ANK2: variants seen among roughly 807,000 people sequenced by gnomAD.
ANK2 encodes the protein ankyrin 2, also known as ankyrin-2.
Under a neutral mutation model 360.5 loss-of-function variants are expected in ANK2, and 83 were observed. The ratio of observed to expected loss-of-function variants is 0.23; its 90% CI spans 0.19 to 0.28. The LOEUF is 0.28. ANK2 is among the 10% of genes least tolerant of loss of function. ANK2 has a pLI of 1.00. For synonymous variants in ANK2, 1,740 were observed against 1,759.5 expected, an observed-to-expected ratio of 0.99 and a Z score of 0.28; for missense variants, 4,201 against 4,795.7, an observed-to-expected ratio of 0.88 and a Z score of 3.66.
At chr4:113,117,385 A>C (rs1204398995) in intron 1 of ANK2, 1 of 456,216 alleles carries the variant, frequency 2.2e-6, no homozygotes, top group Non-Finnish European at 4.4e-6. Context: ...AACAACGGAA[A>C]ATCCCCAGAG....
chr4:113,373,540 C>A, intron 45 of ANK2, 91 bp downstream of exon 45: 1 of 1,362,768 alleles, frequency 7.3e-7, no homozygotes, highest in Non-Finnish European at 1.1e-6. Flanking sequence ...TTCATATTTT[C>A]CTCACTTCTC....
At chr4:113,155,658 T>C (rs2097259671) in intron 1 of ANK2, among the ~76,000 whole-genome samples, 1 of 152,132 alleles carries the variant, frequency 6.6e-6, no homozygotes, top group Admixed American at 6.5e-5. Flanking sequence ...TTGGAAAGCA[T>C]AAAAGCAATG....
chr4:112,765,764 C>T, the ANK2 span, among the ~76,000 whole-genome samples: 2 of 151,768 alleles, frequency 1.3e-5, no homozygotes, highest in African/African-American at 4.8e-5. Flanking sequence ...TGTCTTTCCC[C>T]CAACTTCACT....
At chr4:113,136,446 AGC>A (rs1271467438) in intron 1 of ANK2, among the ~76,000 whole-genome samples, 3 of 152,200 alleles carry the variant, frequency 2.0e-5, no homozygotes, top group Non-Finnish European at 4.4e-5. Flanking sequence ...CTGTAATCCC[AGC>A]ACTTGGGAGG....
chr4:113,174,540 T>G, intron 2 of ANK2, 23 bp downstream of exon 2: 17 of 1,528,412 alleles, frequency 1.1e-5, no homozygotes, highest in Non-Finnish European at 1.4e-5. Context: ...CAGCTAGCTC[T>G]GTGTTGTGCA....
intron 1 of ANK2, among the ~76,000 whole-genome samples, chr4:112,855,737 G>A (rs2066232108): frequency 6.6e-6 from 1 of 152,172 alleles, no homozygotes; most frequent in African/African-American, 2.4e-5. Context: ...CATCTGGAGA[G>A]TGACAGAGCC....
At chr4:113,102,786 C>T (rs555860634) in intron 1 of ANK2, among the ~76,000 whole-genome samples, 3 of 152,238 alleles carry the variant, frequency 2.0e-5, no homozygotes, top group Admixed American at 1.3e-4. Flanking sequence ...ATCTTAATCA[C>T]ATACCTAGAC....
chr4:112,904,088 A>C (rs2150914850), intron 1 of ANK2, among the ~76,000 whole-genome samples: 1 of 152,362 alleles, frequency 6.6e-6, no homozygotes, highest in East Asian at 1.9e-4. Flanking sequence ...TTTGGTCAGC[A>C]ATTTCAGCCA....
At chr4:113,027,246 C>G (rs2059466247) in intron 2 of ANK2, among the ~76,000 whole-genome samples, 1 of 151,982 alleles carries the variant, frequency 6.6e-6, no homozygotes, top group Non-Finnish European at 1.5e-5. Flanking sequence ...AAAGTTATGA[C>G]TCATTATTTG....
In ANK2 at chr4:113,335,938, A is replaced by G; in HGVS notation, c.3472A>G (p.Lys1158Glu). 6.2e-7 allele frequency: 1 copy of G among 1,614,138 alleles called. No individual in the cohort carries two copies. Among genetic ancestry groups the G allele is most frequent in the Non-Finnish European group, 8.5e-7 (1 of 1,180,034 alleles). Residue 1158 changes from lysine (K) to glutamate (E), a missense_variant, in exon 30 of 46, where the codon AAA becomes GAA. Physicochemically the swap from Lys to Glu is moderately conservative, Grantham distance 56 (BLOSUM62 1). This residue lies in a region of ANK2 where 1,268 missense variants were observed against 1,650.8 expected (regional missense o/e 0.77). Coordinates refer to ENST00000357077, the MANE Select transcript of ANK2 (RefSeq NM_001148.6). ...GTACTTTGCAGTGGTGTCTCGTATC[A>G]AACAGGACAGCAATCTGATTGGCCC... ...PQYFAVVSRIKQDSNLIGPEG... is the reference protein window; with the variant it reads ...PQYFAVVSRIEQDSNLIGPEG...
chr4:112,743,053 C>A, the ANK2 span, among the ~76,000 whole-genome samples: 536 of 152,262 alleles, frequency 3.5e-3, 5 homozygotes, highest in African/African-American at 0.012. Context: ...GAATTTTAAT[C>A]TTCTTCAGAC....
chr4:113,019,653 A>G lies in ANK2; in HGVS notation c.21+115139A>G, dbSNP rs571675125. On this transcript the variant is annotated intron_variant, in intron 2 of 30. Transcript: ENST00000503271. ...AAAAATACCATCTGTACATGAGAAA[A>G]TTATAATGGTAATCAACAAAATTTC... is the stretch of plus-strand genomic sequence containing the variant. 1.1e-4 allele frequency among the ~76,000 whole-genome samples: 17 copies of G among 152,314 alleles called. No individual in the cohort carries two copies. The South Asian group carries it at 1.9e-3, about 17-fold the overall frequency.
intron 13 of ANK2, among the ~76,000 whole-genome samples, chr4:113,264,191 C>G (rs1162973381): frequency 6.7e-6 from 1 of 149,048 alleles, no homozygotes; most frequent in Admixed American, 6.7e-5. Flanking sequence ...TTTGTCTAGT[C>G]TCATAACACA....
chr4:112,769,567 G>T, the ANK2 span, among the ~76,000 whole-genome samples: 13 of 152,070 alleles, frequency 8.5e-5, no homozygotes, highest in African/African-American at 2.4e-5. Flanking sequence ...TTCCATCAGT[G>T]CCCATCAATG....
chr4:112,982,239 C>A (rs1256103104), intron 2 of ANK2, among the ~76,000 whole-genome samples: 2 of 151,828 alleles, frequency 1.3e-5, no homozygotes, highest in East Asian at 3.9e-4. Context: ...TAAAATAAAC[C>A]ATTTTAGAAA....
chr4:113,214,670 T>C (rs960365823), intron 4 of ANK2, among the ~76,000 whole-genome samples: 12 of 152,156 alleles, frequency 7.9e-5, no homozygotes, highest in Admixed American at 5.9e-4. Flanking sequence ...CAAGTTTTTA[T>C]GTATGAGCAT....
chr4:113,286,981 A>G (rs893044248), intron 18 of ANK2, among the ~76,000 whole-genome samples: 1 of 152,132 alleles, frequency 6.6e-6, no homozygotes, highest in African/African-American at 2.4e-5. Context: ...ACTGTACCTT[A>G]ATTGGATATT....
chr4:112,953,691 G>A (rs1325607243), intron 2 of ANK2, among the ~76,000 whole-genome samples: 1 of 152,200 alleles, frequency 6.6e-6, no homozygotes, highest in Non-Finnish European at 1.5e-5. Context: ...ATTATTGACT[G>A]GCTGTTTCCT....
chr4:112,711,264 T>A, the ANK2 span, among the ~76,000 whole-genome samples: 1 of 151,782 alleles, frequency 6.6e-6, no homozygotes, highest in African/African-American at 2.4e-5. Flanking sequence ...GTGCAGTGGT[T>A]ATTCACAGGT....
Sources: allele counts gnomAD v4.1 joint callset (sites outside exome capture counted in the v4.1 genomes callset), GRCh38; gene constraint gnomAD v4.1.1; regional missense constraint gnomAD v4.1.1; transcripts MANE v1.5; gene names NCBI Gene and HGNC (gene_info 2026-07-23, HGNC 2026-07-21).